The following FLNC variants were observed in gnomAD, a reference collection of about 807,000 sequenced individuals.
FLNC encodes the protein filamin-C.
FLNC carries 91 observed loss-of-function variants against 254.3 expected under a neutral mutation model. The ratio of observed to expected loss-of-function variants is 0.36; its 90% CI spans 0.30 to 0.43. The LOEUF (loss-of-function observed/expected upper bound fraction) is 0.43. Among genes scored for constraint, FLNC ranks in the 20% least tolerant of loss-of-function variants. FLNC has a pLI of 1.00. For missense variants in FLNC, 2,853 were observed against 3,802.6 expected, an observed-to-expected ratio of 0.75 and a Z score of 6.57; for synonymous variants, 1,430 against 1,577.2, an observed-to-expected ratio of 0.91 and a Z score of 2.21.
intron 30 of FLNC, 45 bp downstream of exon 30, chr7:128,849,623 G>C (rs776531308): frequency 6.2e-6 from 10 of 1,605,034 alleles, no homozygotes; most frequent in East Asian, 4.5e-5. Context: ...GGGGAGGGGG[G>C]CCTGGCCCTT....
chr7:128,838,025 T>C lies in FLNC; in HGVS notation c.1008T>C (p.Tyr336=), dbSNP rs1297236895. The stretch of plus-strand genomic sequence containing the variant: ...CCAACAATGACAAGGATCGCACCTA[T>C]GCTGTCTCCTATGTGCCCAAGGTCG... ...VVPNNDKDRT[Y]AVSYVPKVAG... The change falls in exon 6 of 48, where the codon TAT becomes TAC. Residue 336 remains tyrosine, a synonymous_variant. Coordinates refer to ENST00000325888, the MANE Select transcript of FLNC (RefSeq NM_001458.5). 6.2e-7 allele frequency: 1 copy of C among 1,613,976 alleles called. No individual in the cohort carries two copies. Among genetic ancestry groups the C allele is most frequent in the Non-Finnish European group, 8.5e-7 (1 of 1,179,990 alleles).
At chr7:128,853,655 C>G (rs1808920719) in intron 38 of FLNC, 34 bp downstream of exon 38, 1 of 1,614,064 alleles carries the variant, frequency 6.2e-7, no homozygotes, top group Non-Finnish European at 8.5e-7. Flanking sequence ...TGGCGAGAGA[C>G]AGGGAGGCCA....
rs1004139171 is a variant in FLNC at position 128,835,649 on chromosome 7, C to T, written c.601+75C>T. ...AGGGGACAAGCTGGGGCTGCCAAGG[C>T]GTGTGGTTGTCAGAATGCACACCCT... On this transcript the variant is annotated intron_variant, in intron 2 of 47. Transcript: ENST00000325888. This position sits in a 1 kb window ranked among gnomAD's most constrained non-coding sequence, Gnocchi z 5.3. 2.6e-6 allele frequency: 4 copies of T among 1,537,078 alleles called. No homozygotes were observed. The highest frequency in any genetic ancestry group is 2.3e-5 in the East Asian group (1 of 44,244).
In FLNC at chr7:128,847,629, G is replaced by A. The variant is rs34370715; in HGVS notation, c.4289-68G>A. On this transcript the variant is annotated intron_variant, in intron 24 of 47. Coordinates refer to ENST00000325888, the MANE Select transcript of FLNC (RefSeq NM_001458.5). ...AAAGGCAGGGAAGGCCTCCTCCTCC[G>A]AGGCTCCTCAGCATCAGGGGGACCC... is the stretch of plus-strand genomic sequence containing the variant. 5.7e-3 allele frequency: 9,098 copies of A among 1,595,018 alleles called. 39 individuals carry two copies. Among genetic ancestry groups the A allele is most frequent in the Non-Finnish European group, 6.8e-3 (7,895 of 1,164,380 alleles).
Position 128,851,380 on chromosome 7 carries a change from C to T in FLNC, c.5668+20C>T, listed in dbSNP as rs1291523280. On this transcript the variant is annotated intron_variant, in intron 34 of 47. Coordinates refer to ENST00000325888, the MANE Select transcript of FLNC (RefSeq NM_001458.5). Reference sequence around the variant, plus strand: ...GAGAAGGTGAGGGAGCTGCAGGTCGCAGGCTGGGGTGGAGACTCACCAGGG... The same window carrying T: ...GAGAAGGTGAGGGAGCTGCAGGTCGTAGGCTGGGGTGGAGACTCACCAGGG... 6.2e-7 allele frequency: 1 copy of T among 1,614,046 alleles called. No individual in the cohort carries two copies. Among genetic ancestry groups the T allele is most frequent in the Non-Finnish European group, 8.5e-7 (1 of 1,180,030 alleles).
chr7:128,830,937 G>A lies in FLNC; in HGVS notation c.300G>A (p.Val100=). 6.2e-7 allele frequency: 1 copy of A among 1,612,356 alleles called. No homozygotes were observed. The highest frequency in any genetic ancestry group is 8.5e-7 in the Non-Finnish European group (1 of 1,179,970). Residue 100 remains valine (V), a synonymous_variant, in exon 1 of 48, where the codon GTG becomes GTA. Coordinates refer to ENST00000325888, the MANE Select transcript of FLNC (RefSeq NM_001458.5). ...TCCGCCAAATGAAGCTGGAGAACGT[G>A]TCCGTGGCCCTCGAGTTCCTCGAGC... ...PNFRQMKLEN[V]SVALEFLERE...
Position 128,848,849 on chromosome 7 carries a change from C to T in FLNC, c.4794C>T (p.Tyr1598=), listed in dbSNP as rs1808681247. ...ANIRDNGDGT[Y]TVSYLPDMSG... ...TCCGGGACAATGGGGATGGCACGTA[C>T]ACTGTGTCCTACCTGCCGGACATGA... The change falls in exon 28 of 48, where the codon TAC becomes TAT. Residue 1598 remains tyrosine (Y), a synonymous_variant. Coordinates refer to ENST00000325888, the MANE Select transcript of FLNC (RefSeq NM_001458.5). 3 of 1,614,144 alleles carry T rather than the reference C, an allele frequency of 1.9e-6. No homozygotes were observed. The highest frequency in any genetic ancestry group is 2.2e-5 in the South Asian group (2 of 91,082).
intron 32 of FLNC, 64 bp from the exon 33 acceptor site, chr7:128,850,739 G>A: frequency 6.2e-7 from 1 of 1,609,878 alleles, no homozygotes. Context: ...GACCAGGCCT[G>A]GGACAGCAGG....
chr7:128,856,833 C>T lies in FLNC; in HGVS notation c.7473C>T (p.Pro2491=). ...KFNGAHIPGS[P]FKIRVGEQSQ... is the part of the protein sequence containing the mutation. ...ACGGTGCCCACATCCCTGGAAGTCC[C>T]TTCAAGATCCGCGTTGGGGAGCAGA... Residue 2491 remains proline, a synonymous_variant, in exon 45 of 48, where the codon CCC becomes CCT. Coordinates refer to ENST00000325888, the MANE Select transcript of FLNC (RefSeq NM_001458.5). The surrounding 1 kb of genome is among the most constrained non-coding windows in gnomAD (Gnocchi z 5.9). The T allele has an allele frequency of 6.2e-7, 1 of 1,614,246 alleles. No individual in the cohort carries two copies. The highest frequency in any genetic ancestry group is 8.5e-7 in the Non-Finnish European group (1 of 1,180,036).
Position 128,854,770 on chromosome 7 carries a change from C to T in FLNC, c.6998-5C>T, listed in dbSNP as rs139030003. On this transcript the variant is annotated splice_polypyrimidine_tract_variant and splice_region_variant and intron_variant, in intron 41 of 47. Coordinates refer to ENST00000325888, the MANE Select transcript of FLNC (RefSeq NM_001458.5). ...GCTGAAGTCCACTACCTTGCCTGTC[C>T]CCAGCCGAGTTCAGCATCTGGACCC... is the stretch of plus-strand genomic sequence containing the variant. 2.0e-4 allele frequency: 316 copies of T among 1,614,078 alleles called. No homozygotes were observed. The African/African-American group carries it at 3.8e-3, about 19-fold the overall frequency.
rs1807835483 is a variant in FLNC, at chr7:128,830,409, C to A, written c.-229C>A. On this transcript the variant is annotated 5_prime_UTR_variant, in exon 1 of 48. Coordinates refer to ENST00000325888, the MANE Select transcript of FLNC (RefSeq NM_001458.5). ...ACCCCCCGCCCCGGCCCAGCCCGCC[C>A]TTCCCGAGCACCGCTCCGGCCCTGG... is the stretch of plus-strand genomic sequence containing the variant. 43 of 554,064 alleles carry A rather than the reference C, an allele frequency of 7.8e-5. No homozygotes were observed. The South Asian group carries it at 9.4e-4, about 12-fold the overall frequency. 34.3% of individuals were successfully genotyped at this position (554,064 alleles called of 1,614,324 possible).
Position 128,850,067 on chromosome 7 carries a change from C to A in FLNC, c.5291C>A (p.Thr1764Lys), listed in dbSNP as rs1585165259. The part of the protein sequence containing the change: ...YAPPRPGARP[T>K]HWATEEPVVP... ...CCTCCCCGGCCCGGCGCCCGCCCCA[C>A]ACACTGGGTACTGCGCCTCCCACCA... is the stretch of plus-strand genomic sequence containing the variant. The change falls in exon 31 of 48, where the codon ACA (threonine) becomes AAA (lysine). Residue 1764 changes from threonine to lysine, a missense_variant. This residue lies in a region of FLNC where 258 missense variants were observed against 312.3 expected (regional missense o/e 0.83). Coordinates refer to ENST00000325888, the MANE Select transcript of FLNC (RefSeq NM_001458.5). The A allele has an allele frequency of 1.3e-6, 2 of 1,538,686 alleles. No homozygotes were observed. Among genetic ancestry groups the A allele is most frequent in the Non-Finnish European group, 8.7e-7 (1 of 1,146,624 alleles).
In FLNC at chr7:128,849,415, C is replaced by A. The variant is rs1364205864; in HGVS notation, c.5036C>A (p.Thr1679Lys). 2.5e-6 allele frequency: 4 copies of A among 1,614,202 alleles called. No individual in the cohort carries two copies. The highest frequency in any genetic ancestry group is 3.4e-6 in the Non-Finnish European group (4 of 1,180,034). The part of the protein sequence containing the change: ...DAKAAGEGKV[T>K]CTVSTPDGAE... ...AAGGCAGCCGGTGAGGGGAAGGTGA[C>A]ATGCACGGTGTCCACGCCGGATGGG... Residue 1679 changes from threonine to lysine, a missense_variant, in exon 30 of 48, where the codon ACA (threonine) becomes AAA (lysine). Transcript: ENST00000325888.
At chr7:128,849,035 C>A in intron 28 of FLNC, 53 bp downstream of exon 28, 1 of 1,597,588 alleles carries the variant, frequency 6.3e-7, no homozygotes, top group Non-Finnish European at 8.5e-7. Context: ...CCCTCAAAGC[C>A]CCTCCAGAAC....
At chr7:128,845,319 G>T in intron 21 of FLNC, 64 bp downstream of exon 21, 1 of 1,363,720 alleles carries the variant, frequency 7.3e-7, no homozygotes. Context: ...TAGTCCGTGG[G>T]AGGGAGGGAA....
intron 6 of FLNC, 51 bp downstream of exon 6, chr7:128,838,115 C>A: frequency 6.5e-7 from 1 of 1,548,242 alleles, no homozygotes; most frequent in Non-Finnish European, 8.9e-7. Context: ...ATCCTTGGTT[C>A]CGGCTGCATG....
intron 1 of FLNC, among the ~76,000 whole-genome samples, chr7:128,831,224 C>T (rs1807878767): frequency 6.6e-6 from 1 of 152,090 alleles, no homozygotes; most frequent in Admixed American, 6.5e-5. Context: ...GGAGTCCAGG[C>T]CTTAGGGTTT....
rs1418972841 is a variant in FLNC, at chr7:128,856,718, G to A, written c.7385-27G>A. 1 of 1,614,012 alleles carries A rather than the reference G, an allele frequency of 6.2e-7. No individual in the cohort carries two copies. The highest frequency in any genetic ancestry group is 2.2e-5 in the East Asian group (1 of 44,878). ...CCTTCTGGGGAGGGGAAGGATGGAG[G>A]CTAAGCCACCAACCCTTTATCCACA... On this transcript the variant is annotated intron_variant, in intron 44 of 47. Transcript: ENST00000325888. This position sits in a 1 kb window ranked among gnomAD's most constrained non-coding sequence, Gnocchi z 5.9.
chr7:128,854,509 G>T lies in FLNC; in HGVS notation c.6824G>T (p.Ser2275Ile), dbSNP rs2128939487. Residue 2275 changes from serine (S) to isoleucine (I), a missense_variant, in exon 41 of 48, where the codon AGC becomes ATC. Coordinates refer to ENST00000325888, the MANE Select transcript of FLNC (RefSeq NM_001458.5). The part of the protein sequence containing the change: ...EIVEGEDSAY[S>I]VRFVPQEMGP... ...GTCGAGGGCGAGGACAGCGCCTACA[G>T]CGTGCGCTTTGTGCCCCAGGAAATG... 1.9e-6 allele frequency: 3 copies of T among 1,605,498 alleles called. No homozygotes were observed. The highest frequency in any genetic ancestry group is 2.5e-6 in the Non-Finnish European group (3 of 1,176,586).
Sources: gnomAD v4.1 joint callset for allele counts (sites outside exome capture counted in the v4.1 genomes callset) on GRCh38, gnomAD v4.1.1 for gene constraint, gnomAD v4.1.1 regional missense constraint, Gnocchi (gnomAD v3.1) non-coding constraint, MANE v1.5 for transcripts, NCBI Gene and HGNC (gene_info 2026-07-23, HGNC 2026-07-21) for gene names.